ABCC6: variants seen among roughly 807,000 people sequenced by gnomAD.
ABCC6 encodes ATP binding cassette subfamily C member 6.
In ABCC6, 126 loss-of-function variants were observed where a neutral mutation model predicts 169.5. The observed-to-expected ratio is 0.74, with a 90% CI of 0.64 to 0.86. The LOEUF is 0.86. ABCC6 is among the 40% of genes least tolerant of loss of function. ABCC6 has a pLI of 0.00. For synonymous variants in ABCC6, 752 were observed against 814.7 expected, an observed-to-expected ratio of 0.92 and a Z score of 1.31; for missense variants, 1,733 against 1,927.2, an observed-to-expected ratio of 0.90 and a Z score of 1.89.
intron 22 of ABCC6, among the ~76,000 whole-genome samples, chr16:16,168,217 C>CCT (rs1422302538): frequency 1.3e-5 from 2 of 152,238 alleles, no homozygotes; most frequent in African/African-American, 4.8e-5. Context: ...CCAGGCCGGG[C>CCT]GTGGTGGCTC....
chr16:16,201,003 C>T (rs1311952654), intron 9 of ABCC6, among the ~76,000 whole-genome samples: 1 of 152,056 alleles, frequency 6.6e-6, no homozygotes, highest in South Asian at 2.1e-4. Flanking sequence ...GTCTCGCTCT[C>T]TTACCCAGGC....
At chr16:16,177,306 A>G in intron 19 of ABCC6, 146 bp downstream of exon 19, 1 of 888,120 alleles carries the variant, frequency 1.1e-6, no homozygotes, top group Admixed American at 1.8e-5. Context: ...AAGGTGACCT[A>G]TTAAGAGAGC....
intron 9 of ABCC6, 86 bp from the exon 10 acceptor site, chr16:16,198,268 C>T: frequency 6.9e-7 from 1 of 1,448,450 alleles, no homozygotes; most frequent in Non-Finnish European, 9.4e-7. Context: ...CACTGAGCCC[C>T]ACCTCACACG....
chr16:16,194,382 C>T (rs749115492), intron 10 of ABCC6, among the ~76,000 whole-genome samples: 1 of 152,260 alleles, frequency 6.6e-6, no homozygotes, highest in Non-Finnish European at 1.5e-5. Flanking sequence ...GGGACATACA[C>T]TGAGAAATTC....
chr16:16,214,257 T>C (rs2048765568), intron 5 of ABCC6, 67 bp downstream of exon 5: 1 of 1,546,206 alleles, frequency 6.5e-7, no homozygotes, highest in East Asian at 2.4e-5. Flanking sequence ...TTAAAGACTT[T>C]TGGTCACCTG....
At position 16,190,251 on chromosome 16, in the gene ABCC6, G is replaced by A; in HGVS notation, c.1548C>T (p.Gly516=). 1.9e-6 allele frequency: 3 copies of A among 1,614,126 alleles called. No individual in the cohort carries two copies. The highest frequency in any genetic ancestry group is 2.5e-6 in the Non-Finnish European group (3 of 1,180,016). ...WEGAFLDRVL[G]IRGQELGALR... ...AGGCGCCCAGCTCCTGGCCTCGGAT[G>A]CCCAGGACTCTGTCCAGAAAGGCTC... The change falls in exon 12 of 31, where the codon GGC becomes GGT. Residue 516 remains glycine (G), a synonymous_variant. Transcript: ENST00000205557.
chr16:16,188,302 G>C (rs1449131793), intron 13 of ABCC6, among the ~76,000 whole-genome samples: 1 of 151,870 alleles, frequency 6.6e-6, no homozygotes, highest in Non-Finnish European at 1.5e-5. Flanking sequence ...TGGGGCAGGA[G>C]AATCACTTGA....
intron 4 of ABCC6, among the ~76,000 whole-genome samples, chr16:16,214,962 G>T (rs1596759660): frequency 6.6e-6 from 1 of 152,256 alleles, no homozygotes; most frequent in Non-Finnish European, 1.5e-5. Context: ...ACAAATGGTG[G>T]GCCAGGGCTG....
chr16:16,157,806 G>T lies in ABCC6; in HGVS notation c.3739C>A (p.Pro1247Thr), dbSNP rs199694536. ...GCTGCACATGTGGGCAGCCTCCAGG[G>T]AGCCTGGAGCAGGAGGGGAAACTGA... ...QDYAWTPKEA[P>T]WRLPTCAAQP... is the part of the protein sequence containing the mutation. Residue 1247 changes from proline to threonine, a missense_variant, in exon 27 of 31, where the codon CCC becomes ACC. By Grantham distance (38) the Pro-to-Thr change is conservative (BLOSUM62 -1). Transcript: ENST00000205557. 68 of 1,610,434 alleles carry T rather than the reference G, an allele frequency of 4.2e-5. No homozygotes were observed. The East Asian group carries it at 6.7e-4, about 16-fold the overall frequency.
intron 7 of ABCC6, among the ~76,000 whole-genome samples, chr16:16,205,743 C>A (rs1204560024): frequency 6.6e-6 from 1 of 152,280 alleles, no homozygotes; most frequent in Non-Finnish European, 1.5e-5. Context: ...CTCGTTAGAA[C>A]CCCAGGTGGG....
chr16:16,205,873 C>T (rs2048377033), intron 7 of ABCC6, among the ~76,000 whole-genome samples: 1 of 152,062 alleles, frequency 6.6e-6, no homozygotes, highest in Middle Eastern at 3.4e-3. Flanking sequence ...GTGATGTGTG[C>T]AAAGGGCCTA....
chr16:16,161,914 T>A (rs1226617593), intron 24 of ABCC6, among the ~76,000 whole-genome samples: 1 of 151,998 alleles, frequency 6.6e-6, no homozygotes, highest in South Asian at 2.1e-4. Flanking sequence ...CAAATTGTAA[T>A]CCCCACATGT....
At chr16:16,159,259 C>G (rs1327056003) in intron 26 of ABCC6, among the ~76,000 whole-genome samples, 1 of 152,156 alleles carries the variant, frequency 6.6e-6, no homozygotes, top group Non-Finnish European at 1.5e-5. Flanking sequence ...CTGCTTTCCT[C>G]AAGCTCAGAA....
intron 10 of ABCC6, among the ~76,000 whole-genome samples, chr16:16,197,208 C>A (rs2048066323): frequency 6.6e-6 from 1 of 151,934 alleles, no homozygotes; most frequent in Non-Finnish European, 1.5e-5. Context: ...CTGGTAACTT[C>A]AAAACATGGT....
chr16:16,191,218 C>T (rs903155796), intron 11 of ABCC6, among the ~76,000 whole-genome samples: 5 of 151,986 alleles, frequency 3.3e-5, no homozygotes, highest in Non-Finnish European at 5.9e-5. Context: ...TGGGTTCAAG[C>T]GATTCTCCTG....
At chr16:16,156,561 A>T (rs2046558273) in intron 27 of ABCC6, among the ~76,000 whole-genome samples, 1 of 152,170 alleles carries the variant, frequency 6.6e-6, no homozygotes, top group African/African-American at 2.4e-5. Flanking sequence ...TTGAATGCCA[A>T]GCTCAGGAAT....
chr16:16,177,636 G>T lies in ABCC6; in HGVS notation c.2416-10C>A, dbSNP rs1371067962. The stretch of plus-strand genomic sequence containing the variant: ...TCACGAGAATCCGTGTCTGGGCAGG[G>T]AAGGGGTAGAAGTTACACACATGTG... On this transcript the variant is annotated splice_polypyrimidine_tract_variant and intron_variant, in intron 18 of 30. Coordinates refer to ENST00000205557, the MANE Select transcript of ABCC6 (RefSeq NM_001171.6). The T allele has an allele frequency of 1.2e-6, 2 of 1,613,956 alleles. No individual in the cohort carries two copies. The highest frequency in any genetic ancestry group is 1.7e-6 in the Non-Finnish European group (2 of 1,180,002).
In ABCC6 at chr16:16,150,035, A is replaced by G. The variant is rs907044674; in HGVS notation, c.*98T>C. The stretch of plus-strand genomic sequence containing the variant: ...GAGAGCAAACACAGGTCTAGACTCA[A>G]TATCGTGTGGAGCTATCGATGACCA... On this transcript the variant is annotated 3_prime_UTR_variant, in exon 31 of 31. Transcript: ENST00000205557. 2.6e-6 allele frequency: 4 copies of G among 1,533,780 alleles called. No homozygotes were observed. Among genetic ancestry groups the G allele is most frequent in the Middle Eastern group, 2.3e-4 (1 of 4,324 alleles).
intron 4 of ABCC6, 56 bp from the exon 5 acceptor site, chr16:16,214,505 A>G: frequency 6.4e-7 from 1 of 1,551,216 alleles, no homozygotes; most frequent in Non-Finnish European, 8.7e-7. Context: ...TGCTCAGAGG[A>G]GAGAAAAGGT....
Sources: allele counts gnomAD v4.1 joint callset (sites outside exome capture counted in the v4.1 genomes callset), GRCh38; gene constraint gnomAD v4.1.1; transcripts MANE v1.5; gene names NCBI Gene and HGNC (gene_info 2026-07-23, HGNC 2026-07-21).